Variants in TEX15 observed in about 807,000 individuals in gnomAD.
TEX15 encodes the protein testis-expressed protein 15.
Under a neutral mutation model 237.3 loss-of-function variants are expected in TEX15, and 171 were observed. The observed-to-expected ratio is 0.72, with a 90% CI of 0.64 to 0.82. The LOEUF (loss-of-function observed/expected upper bound fraction) is 0.82. TEX15 is among the 40% of genes least tolerant of loss of function. TEX15 has a pLI of 0.00. For synonymous variants in TEX15, 1,338 were observed against 1,269.8 expected, an observed-to-expected ratio of 1.05 and a Z score of -1.14; for missense variants, 3,750 against 3,646.5, an observed-to-expected ratio of 1.03 and a Z score of -0.73.
rs376058303 is a variant in TEX15, at chr8:30,848,456, C to T, written c.1711G>A (p.Ala571Thr). ...TGACTACTGTACTCTTTTGTATAAG[C>T]ATTACCGGACTCCTGTTGGGCTCTC... ...AQRAQQESGN[A>T]YTKEYSSHIF... Residue 571 changes from alanine (A) to threonine (T), a missense_variant, in exon 8 of 11, where the codon GCT (alanine) becomes ACT (threonine). Ala to Thr is a moderately conservative substitution (Grantham distance 58). Transcript: ENST00000643185. The T allele has an allele frequency of 1.2e-6, 2 of 1,614,122 alleles. No homozygotes were observed. The highest frequency in any genetic ancestry group is 1.7e-6 in the Non-Finnish European group (2 of 1,180,010).
intron 1 of TEX15, among the ~76,000 whole-genome samples, chr8:30,906,594 G>GAAAAAAAA (rs34052778): frequency 1.0e-5 from 1 of 96,150 alleles, no homozygotes; most frequent in Non-Finnish European, 2.5e-5. Context: ...CATCTCAAAA[G>GAAAAAAAA]AAAAAAAAAA....
chr8:30,843,927 C>T lies in TEX15; in HGVS notation c.6240G>A (p.Met2080Ile), dbSNP rs762049789. 6.2e-7 allele frequency: 1 copy of T among 1,612,768 alleles called. No individual in the cohort carries two copies. Among genetic ancestry groups the T allele is most frequent in the South Asian group, 1.1e-5 (1 of 90,966 alleles). ...TGTTTTCAATGAATTGAATTGTTTC[C>T]ATCATCATTTGAAGTTCTACCAAAG... ...VDTLVELQMM[M>I]ETIQFIENKK... is the part of the protein sequence containing the mutation. Residue 2080 changes from methionine to isoleucine, a missense_variant, in exon 8 of 11, where the codon ATG becomes ATA. Met to Ile is a conservative substitution (Grantham distance 10, BLOSUM62 1). Coordinates refer to ENST00000643185, the MANE Select transcript of TEX15 (RefSeq NM_001350162.2).
chr8:30,869,887 T>G (rs1808255254), intron 4 of TEX15, among the ~76,000 whole-genome samples: 1 of 152,150 alleles, frequency 6.6e-6, no homozygotes, highest in Middle Eastern at 3.4e-3. Flanking sequence ...CAAAAGACAT[T>G]AATAAGCATC....
At position 30,833,103 on chromosome 8, in the gene TEX15, G is replaced by A. The variant is rs970520038; in HGVS notation, c.*183C>T. On this transcript the variant is annotated 3_prime_UTR_variant, in exon 11 of 11. Transcript: ENST00000643185. Reference sequence around the variant, plus strand: ...TGGAAATAATTCTGGTATATCAGATGTTAGAAATTGATGTCCTATATGATA... The same window carrying A: ...TGGAAATAATTCTGGTATATCAGATATTAGAAATTGATGTCCTATATGATA... 1.9e-5 allele frequency: 9 copies of A among 480,660 alleles called. No homozygotes were observed. The highest frequency in any genetic ancestry group is 7.8e-5 in the Admixed American group (2 of 25,552). The allele number at this position is 480,660 out of a possible 1,614,324, so 29.8% of individuals were successfully genotyped here. A position where few individuals can be genotyped will look rare whatever the true frequency, so the allele number is the denominator to read the frequency against.
At position 30,900,556 on chromosome 8, in the gene TEX15, C is replaced by T. The variant is rs554345559; in HGVS notation, c.-85-1739G>A. On this transcript the variant is annotated intron_variant, in intron 1 of 10. Coordinates refer to ENST00000643185, the MANE Select transcript of TEX15 (RefSeq NM_001350162.2). ...TTTAAGTTAGTACATTAATAAGAAT[C>T]TGAAGCAAACTTGTAAGTTAACACA... Among the ~76,000 whole-genome samples the T allele has an allele frequency of 9.6e-4, 146 of 152,258 alleles. 1 individual carries two copies. Among genetic ancestry groups the T allele is most frequent in the Non-Finnish European group, 1.5e-4 (10 of 68,028 alleles).
chr8:30,855,171 G>GAC (rs1436694392), intron 7 of TEX15, among the ~76,000 whole-genome samples: 5 of 152,012 alleles, frequency 3.3e-5, no homozygotes, highest in African/African-American at 1.2e-4. Context: ...ATTCACAGAT[G>GAC]ACATGATCTT....
In TEX15 at chr8:30,845,984, G is replaced by GA; in HGVS notation, c.4182dup (p.His1395SerfsTer9). 6.2e-7 allele frequency: 1 copy of GA among 1,613,000 alleles called. No homozygotes were observed. Among genetic ancestry groups the GA allele is most frequent in the Non-Finnish European group, 8.5e-7 (1 of 1,179,514 alleles). ...TTAGTTATAAGCTGCAAAGATGTGT[G>GA]AACTCTTCTATGAGCTTTTTTTAAG... On this transcript the variant is annotated frameshift_variant, in exon 8 of 11. Coordinates refer to ENST00000643185, the MANE Select transcript of TEX15 (RefSeq NM_001350162.2). LOFTEE classifies it high-confidence loss of function.
chr8:30,858,235 G>C (rs1807953901), intron 7 of TEX15, among the ~76,000 whole-genome samples: 1 of 151,710 alleles, frequency 6.6e-6, no homozygotes, highest in African/African-American at 2.4e-5. Flanking sequence ...CCTGCAGTAT[G>C]ATTCTAGATC....
At chr8:30,908,130 C>T (rs1005726474) in intron 1 of TEX15, among the ~76,000 whole-genome samples, 1 of 152,150 alleles carries the variant, frequency 6.6e-6, no homozygotes, top group African/African-American at 2.4e-5. Flanking sequence ...CACTACGTTG[C>T]CCAGGCTGGT....
chr8:30,895,386 A>G (rs1808879815), intron 2 of TEX15, among the ~76,000 whole-genome samples: 1 of 151,412 alleles, frequency 6.6e-6, no homozygotes, highest in Non-Finnish European at 1.5e-5. Flanking sequence ...TAAATAATAC[A>G]TTGCTTTTCA....
intron 4 of TEX15, among the ~76,000 whole-genome samples, chr8:30,871,592 T>C (rs1164364444): frequency 2.0e-5 from 3 of 152,152 alleles, no homozygotes; most frequent in African/African-American, 4.8e-5. Flanking sequence ...GTTAGGCTAA[T>C]TATAAAAGAT....
chr8:30,843,261 T>G lies in TEX15; in HGVS notation c.6906A>C (p.Arg2302Ser). 1 of 1,612,966 alleles carries G rather than the reference T, an allele frequency of 6.2e-7. No individual in the cohort carries two copies. ...ACTTAGAAAAGGCACATTTATTCAC[T>G]CTGAGTAGCCTTTCTTCGTCCTTCT... ...SQKKDEERLL[R>S]VNKCAFSKLQ... Residue 2302 changes from arginine to serine, a missense_variant, in exon 8 of 11, where the codon AGA becomes AGC. Transcript: ENST00000643185.
intron 1 of TEX15, among the ~76,000 whole-genome samples, chr8:30,910,694 C>G (rs1809198073): frequency 1.3e-5 from 2 of 149,392 alleles, no homozygotes; most frequent in South Asian, 4.3e-4. Flanking sequence ...CAAGCAATCT[C>G]CCACCTTGGC....
chr8:30,886,395 C>T (rs1163885312), intron 3 of TEX15, among the ~76,000 whole-genome samples: 1 of 152,176 alleles, frequency 6.6e-6, no homozygotes, highest in East Asian at 1.9e-4. Flanking sequence ...CTGTAGGAGG[C>T]CTTGTTACTG....
rs16877429 is a variant in TEX15, at chr8:30,859,936, A to G, written c.662T>C (p.Ile221Thr). The G allele has an allele frequency of 0.066, 99,357 of 1,504,914 alleles. 4,902 individuals are homozygous for G. The highest frequency in any genetic ancestry group is 0.23 in the African/African-American group (16,560 of 70,886). 93.2% of individuals were successfully genotyped at this position (1,504,914 alleles called of 1,614,324 possible). A position where few individuals can be genotyped will look rare whatever the true frequency, so the allele number is the denominator to read the frequency against. Residue 221 changes from isoleucine (I) to threonine (T), a missense_variant, in exon 6 of 11, where the codon ATT becomes ACT. Coordinates refer to ENST00000643185, the MANE Select transcript of TEX15 (RefSeq NM_001350162.2). ...TGCTGAACTGTAGGCTTGCAGTTCA[A>G]TGGTATCTTTCAAAGAAGGTGCATT... is the stretch of plus-strand genomic sequence containing the variant. ...SRNAPSLKDT[I>T]ELQAYSSAVY...
intron 1 of TEX15, among the ~76,000 whole-genome samples, chr8:30,909,995 A>C (rs1424957372): frequency 1.3e-5 from 2 of 152,156 alleles, no homozygotes; most frequent in East Asian, 3.8e-4. Flanking sequence ...CATGAAGCCA[A>C]GCTATTTTGA....
intron 3 of TEX15, among the ~76,000 whole-genome samples, chr8:30,876,610 T>G (rs772149837): frequency 6.6e-6 from 1 of 152,182 alleles, no homozygotes; most frequent in African/African-American, 2.4e-5. Flanking sequence ...TCCCTGGAAA[T>G]ACATTAACAT....
At chr8:30,884,760 A>G (rs1357874574) in intron 3 of TEX15, among the ~76,000 whole-genome samples, 4 of 151,648 alleles carry the variant, frequency 2.6e-5, no homozygotes, top group African/African-American at 9.7e-5. Flanking sequence ...AACTTTACTG[A>G]TCTTTTCAAA....
rs1446490642 is a variant in TEX15, at chr8:30,833,339, C to G, written c.9482-16G>C. On this transcript the variant is annotated splice_polypyrimidine_tract_variant and intron_variant, in intron 10 of 10. Coordinates refer to ENST00000643185, the MANE Select transcript of TEX15 (RefSeq NM_001350162.2). ...TGCCATGGAGCTGGAAGAAAAAACA[C>G]CACAAAGATTTAAATAAATAATTTA... The G allele has an allele frequency of 6.3e-7, 1 of 1,575,640 alleles. No homozygotes were observed. Among genetic ancestry groups the G allele is most frequent in the Non-Finnish European group, 8.7e-7 (1 of 1,155,804 alleles).
Sources: gnomAD v4.1 joint callset for allele counts (sites outside exome capture counted in the v4.1 genomes callset) on GRCh38, gnomAD v4.1.1 for gene constraint, MANE v1.5 for transcripts, NCBI Gene and HGNC (gene_info 2026-07-23, HGNC 2026-07-21) for gene names.